RAP1GAP2: variants seen among roughly 807,000 people sequenced by gnomAD.
The protein encoded by RAP1GAP2 is RAP1 GTPase activating protein 2, also known as rap1 GTPase-activating protein 2.
In RAP1GAP2, 27 loss-of-function variants were observed where a neutral mutation model predicts 95.0. The ratio of observed to expected loss-of-function variants is 0.28; its 90% CI spans 0.21 to 0.39. The LOEUF is 0.39. Ranked by LOEUF, RAP1GAP2 falls within the 10% of genes least tolerant of loss-of-function variation. The pLI is 1.00. For synonymous variants in RAP1GAP2, 373 were observed against 380.9 expected (o/e 0.98, Z 0.24); for missense variants, 771 against 970.0 (o/e 0.79, Z 2.72).
At chr17:2,921,625 G>A (rs868752350) in intron 3 of RAP1GAP2, among the ~76,000 whole-genome samples, 1 of 150,708 alleles carries the variant, frequency 6.6e-6, no homozygotes, top group African/African-American at 2.4e-5. Flanking sequence ...CAGCAGGGTC[G>A]TTAAGGTGTC....
chr17:2,893,749 T>A (rs2073796412), intron 2 of RAP1GAP2, among the ~76,000 whole-genome samples: 1 of 151,842 alleles, frequency 6.6e-6, no homozygotes, highest in African/African-American at 2.4e-5. Flanking sequence ...GCAGAGCCGC[T>A]GACTGCGCCC....
Position 2,844,169 on chromosome 17 carries a change from C to T in RAP1GAP2, c.80+43619C>T, listed in dbSNP as rs545653836. Among the ~76,000 whole-genome samples the T allele has an allele frequency of 5.3e-5, 8 of 152,018 alleles. No individual in the cohort carries two copies. In the South Asian group the frequency reaches 1.3e-3, roughly 24 times the overall value. On this transcript the variant is annotated intron_variant, in intron 2 of 24. Transcript: ENST00000254695. ...CGGAGTAGCTGGGACTACAGGCGCCCGCCACCATGCCTGGCTAATATTTTG... is the reference window on the plus strand; with the variant it reads ...CGGAGTAGCTGGGACTACAGGCGCCTGCCACCATGCCTGGCTAATATTTTG...
chr17:2,760,307 A>G (rs953338731), intron 1 of RAP1GAP2, among the ~76,000 whole-genome samples: 5 of 150,774 alleles, frequency 3.3e-5, no homozygotes, highest in Non-Finnish European at 7.4e-5. Flanking sequence ...AAAAAAAAAA[A>G]AAAAAAGAAA....
chr17:2,804,461 C>G (rs555138242), intron 2 of RAP1GAP2, among the ~76,000 whole-genome samples: 6 of 152,204 alleles, frequency 3.9e-5, no homozygotes, highest in Non-Finnish European at 8.8e-5. Context: ...GGATTTGAAT[C>G]TGGGTCTGTG....
chr17:2,808,188 T>C (rs1245762980), intron 2 of RAP1GAP2, among the ~76,000 whole-genome samples: 1 of 152,170 alleles, frequency 6.6e-6, no homozygotes, highest in African/African-American at 2.4e-5. Flanking sequence ...GACCCCGTTT[T>C]GAGCTGAGCT....
Position 2,849,577 on chromosome 17 carries a change from C to G in RAP1GAP2, c.80+49027C>G, listed in dbSNP as rs925567315. On this transcript the variant is annotated intron_variant, in intron 2 of 24. Coordinates refer to ENST00000254695, the MANE Select transcript of RAP1GAP2 (RefSeq NM_015085.5). Reference sequence around the variant, plus strand: ...TCTGCGCTCTGTTCATGATTAACTTCGCTGTCTCCCGCCCCAGGCCTGATT... The same window carrying G: ...TCTGCGCTCTGTTCATGATTAACTTGGCTGTCTCCCGCCCCAGGCCTGATT... Among the ~76,000 whole-genome samples the G allele has an allele frequency of 4.6e-5, 7 of 152,176 alleles. No individual in the cohort carries two copies. The South Asian group carries it at 1.4e-3, about 32-fold the overall frequency.
At chr17:2,910,225 C>G (rs970335412) in intron 3 of RAP1GAP2, among the ~76,000 whole-genome samples, 2 of 152,126 alleles carry the variant, frequency 1.3e-5, no homozygotes, top group Admixed American at 1.3e-4. Context: ...GGACCTGGGA[C>G]TTGTTTATGG....
At position 2,944,987 on chromosome 17, in the gene RAP1GAP2, A is replaced by G. The variant is rs144448383; in HGVS notation, c.166-12772A>G. On this transcript the variant is annotated intron_variant, in intron 3 of 24. Coordinates refer to ENST00000254695, the MANE Select transcript of RAP1GAP2 (RefSeq NM_015085.5). ...AAGCTCTGTCTCCCGGGTTCACGTCATTCTCCTGCCTCAGTAGCTGGGATT... is the reference window on the plus strand; with the variant it reads ...AAGCTCTGTCTCCCGGGTTCACGTCGTTCTCCTGCCTCAGTAGCTGGGATT... 1.2e-3 allele frequency among the ~76,000 whole-genome samples: 180 copies of G among 152,134 alleles called. 3 individuals carry two copies. The highest frequency in any genetic ancestry group is 1.6e-3 in the Admixed American group (25 of 15,292).
At chr17:2,823,314 GC>G (rs2070392020) in intron 2 of RAP1GAP2, among the ~76,000 whole-genome samples, 1 of 152,160 alleles carries the variant, frequency 6.6e-6, no homozygotes, top group African/African-American at 2.4e-5. Context: ...GGGCCTAAGG[GC>G]CTCAGAATGA....
intron 2 of RAP1GAP2, among the ~76,000 whole-genome samples, chr17:2,853,252 G>A (rs2071958450): frequency 6.6e-6 from 1 of 152,058 alleles, no homozygotes; most frequent in Non-Finnish European, 1.5e-5. Context: ...GCTGCGAGCC[G>A]GGGCGGGCGC....
chr17:2,904,088 G>C lies in RAP1GAP2; in HGVS notation c.81-1196G>C, dbSNP rs117624753. ...TCTGCTGCTTCAGAGCGGGGCTGTA[G>C]AGGAGGACACACTTGTAAAGTTGGG... On this transcript the variant is annotated intron_variant, in intron 2 of 24. Transcript: ENST00000254695. This position sits in a 1 kb window ranked among gnomAD's most constrained non-coding sequence, Gnocchi z 4.7. Among the ~76,000 whole-genome samples, 1 of 152,294 alleles carries C rather than the reference G, an allele frequency of 6.6e-6. No homozygotes were observed. Among genetic ancestry groups the C allele is most frequent in the Non-Finnish European group, 1.5e-5 (1 of 68,016 alleles).
In RAP1GAP2 at chr17:3,005,244, A is replaced by G. The variant is rs917984052; in HGVS notation, c.1201-125A>G. The stretch of plus-strand genomic sequence containing the variant: ...CTGTGCTGGCGATGCTCACAGGAGT[A>G]TTTTGTTTGTGTTCTGGGAAGAGGA... On this transcript the variant is annotated intron_variant, in intron 14 of 24. Coordinates refer to ENST00000254695, the MANE Select transcript of RAP1GAP2 (RefSeq NM_015085.5). The surrounding 1 kb of genome is among the most constrained non-coding windows in gnomAD (Gnocchi z 5.2). The G allele has an allele frequency of 1.0e-6, 1 of 972,480 alleles. No individual in the cohort carries two copies. The highest frequency in any genetic ancestry group is 1.7e-5 in the Admixed American group (1 of 58,612). The allele number at this position is 972,480 out of a possible 1,614,324, so 60.2% of individuals were successfully genotyped here. A position where few individuals can be genotyped will look rare whatever the true frequency, so the allele number is the denominator to read the frequency against.
intron 2 of RAP1GAP2, among the ~76,000 whole-genome samples, chr17:2,885,024 C>A (rs373334598): frequency 3.1e-4 from 43 of 140,218 alleles, no homozygotes; most frequent in Middle Eastern, 3.8e-3. Flanking sequence ...TCTTTTATTT[C>A]TTTCTTTTTT....
chr17:2,858,267 T>G (rs1316658720), intron 2 of RAP1GAP2, among the ~76,000 whole-genome samples: 2 of 152,298 alleles, frequency 1.3e-5, no homozygotes, highest in East Asian at 3.9e-4. Context: ...GAGGAAGATA[T>G]GGATTCTCTC....
intron 1 of RAP1GAP2, among the ~76,000 whole-genome samples, chr17:2,763,449 G>A (rs1466970786): frequency 2.0e-5 from 3 of 152,064 alleles, no homozygotes; most frequent in Non-Finnish European, 4.4e-5. Flanking sequence ...GAATCCCAGC[G>A]CTTTGGGAGG....
chr17:2,974,466 C>G (rs140851528), intron 8 of RAP1GAP2, among the ~76,000 whole-genome samples: 3 of 152,084 alleles, frequency 2.0e-5, no homozygotes. Flanking sequence ...CACTCGGGCT[C>G]TTTCTGAAAG....
chr17:2,915,686 T>G, intron 3 of RAP1GAP2, among the ~76,000 whole-genome samples: 1 of 152,226 alleles, frequency 6.6e-6, no homozygotes, highest in Admixed American at 6.5e-5. Context: ...CATGTATTCT[T>G]TTAGAAGCTT....
intron 2 of RAP1GAP2, among the ~76,000 whole-genome samples, chr17:2,802,658 G>C (rs980662386): frequency 1.3e-5 from 2 of 152,178 alleles, no homozygotes; most frequent in East Asian, 3.9e-4. Context: ...TTGCAGTGAG[G>C]CGAGATCGCA....
chr17:2,983,206 G>A (rs2045434111), intron 10 of RAP1GAP2, among the ~76,000 whole-genome samples: 1 of 151,362 alleles, frequency 6.6e-6, no homozygotes, highest in African/African-American at 2.4e-5. Context: ...CATAACGCGT[G>A]GTTGAATCCC....
Sources: allele counts gnomAD v4.1 joint callset (sites outside exome capture counted in the v4.1 genomes callset), GRCh38; gene constraint gnomAD v4.1.1; non-coding constraint Gnocchi (gnomAD v3.1); transcripts MANE v1.5; gene names NCBI Gene and HGNC (gene_info 2026-07-23, HGNC 2026-07-21).